PRKCI: variants seen among roughly 807,000 people sequenced by gnomAD.
PRKCI encodes the protein protein kinase C iota.
In PRKCI, 43 loss-of-function variants were observed where a neutral mutation model predicts 84.0. That is an observed-to-expected ratio of 0.51 (90% confidence interval 0.40 to 0.66). The LOEUF (loss-of-function observed/expected upper bound fraction) is 0.66. Ranked by LOEUF, PRKCI falls within the 30% of genes least tolerant of loss-of-function variation. PRKCI has a pLI of 0.00. For synonymous variants in PRKCI, 216 were observed against 234.4 expected (o/e 0.92, Z 0.72); for missense variants, 459 against 745.6 (o/e 0.62, Z 4.48).
At chr3:170,294,141 T>C (rs564820079) in intron 14 of PRKCI, among the ~76,000 whole-genome samples, 1 of 152,132 alleles carries the variant, frequency 6.6e-6, no homozygotes, top group Non-Finnish European at 1.5e-5. Flanking sequence ...GCTAGAGAGA[T>C]AATCTTTACA....
intron 14 of PRKCI, among the ~76,000 whole-genome samples, chr3:170,294,391 C>T (rs1418819735): frequency 6.6e-6 from 1 of 152,242 alleles, no homozygotes; most frequent in Non-Finnish European, 1.5e-5. Context: ...ATAGGCATTT[C>T]ATGCCCAAAT....
intron 2 of PRKCI, among the ~76,000 whole-genome samples, chr3:170,249,000 G>A (rs753010132): frequency 7.9e-5 from 12 of 151,824 alleles, no homozygotes; most frequent in Non-Finnish European, 1.8e-4. Flanking sequence ...GGTGCCCGCC[G>A]CCACGCTTGG....
At chr3:170,302,200 T>C (rs1734839252) in intron 17 of PRKCI, among the ~76,000 whole-genome samples, 1 of 152,236 alleles carries the variant, frequency 6.6e-6, no homozygotes. Flanking sequence ...CTTCTATTCC[T>C]GTGCTCCACC....
chr3:170,240,158 T>A (rs1181141848), intron 2 of PRKCI, among the ~76,000 whole-genome samples: 1 of 151,966 alleles, frequency 6.6e-6, no homozygotes, highest in Non-Finnish European at 1.5e-5. Flanking sequence ...CAATACCCTG[T>A]TTCCAAAAAA....
intron 12 of PRKCI, among the ~76,000 whole-genome samples, chr3:170,288,119 G>A (rs1312350190): frequency 2.0e-5 from 3 of 151,344 alleles, no homozygotes; most frequent in African/African-American, 7.3e-5. Flanking sequence ...GGTGGCGGAC[G>A]CCTGTAGTCC....
In PRKCI at chr3:170,280,421, T is replaced by C; in HGVS notation, c.882+18T>C. Reference sequence around the variant, plus strand: ...ATGATGAGGTAAGCACTGCATATTTTATTGCTTCTAAACTGCTTGAGAATA... The same window carrying C: ...ATGATGAGGTAAGCACTGCATATTTCATTGCTTCTAAACTGCTTGAGAATA... On this transcript the variant is annotated intron_variant, in intron 9 of 17. Coordinates refer to ENST00000295797, the MANE Select transcript of PRKCI (RefSeq NM_002740.6). 6.3e-7 allele frequency: 1 copy of C among 1,593,822 alleles called. No homozygotes were observed. Among genetic ancestry groups the C allele is most frequent in the Non-Finnish European group, 8.6e-7 (1 of 1,169,278 alleles).
intron 8 of PRKCI, among the ~76,000 whole-genome samples, chr3:170,277,709 A>AT (rs993806627): frequency 1.3e-5 from 2 of 151,750 alleles, no homozygotes; most frequent in African/African-American, 4.8e-5. Flanking sequence ...AAAAAAAAAA[A>AT]GAAAATTACA....
intron 2 of PRKCI, among the ~76,000 whole-genome samples, chr3:170,250,992 A>G (rs1450021707): frequency 6.6e-6 from 1 of 152,260 alleles, no homozygotes; most frequent in Non-Finnish European, 1.5e-5. Flanking sequence ...TATGAAAACC[A>G]GTAACTTTCC....
intron 4 of PRKCI, among the ~76,000 whole-genome samples, chr3:170,265,793 G>A (rs1413386110): frequency 6.6e-6 from 1 of 151,334 alleles, no homozygotes; most frequent in Non-Finnish European, 1.5e-5. Flanking sequence ...TGTATTTTTA[G>A]TAGAGATGGG....
At position 170,270,476 on chromosome 3, in the gene PRKCI, A is replaced by G. The variant is rs185526558; in HGVS notation, c.506A>G (p.Tyr169Cys). 3.1e-6 allele frequency: 5 copies of G among 1,613,990 alleles called. No individual in the cohort carries two copies. The highest frequency in any genetic ancestry group is 2.2e-5 in the East Asian group (1 of 44,884). ...ATATGGGGACTTGGACGCCAAGGAT[A>G]TAAGTGCATCAACTGCAAACTCTTG... ...DRIWGLGRQGYKCINCKLLVH... is the reference protein window; with the variant it reads ...DRIWGLGRQGCKCINCKLLVH... Residue 169 changes from tyrosine (Y) to cysteine (C), a missense_variant, in exon 6 of 18, where the codon TAT (tyrosine) becomes TGT (cysteine). Coordinates refer to ENST00000295797, the MANE Select transcript of PRKCI (RefSeq NM_002740.6).
intron 3 of PRKCI, among the ~76,000 whole-genome samples, chr3:170,260,536 A>C (rs1733698284): frequency 1.3e-5 from 2 of 152,006 alleles, no homozygotes; most frequent in Admixed American, 6.6e-5. Context: ...ATCTCGGCCC[A>C]CTGCAACCTC....
At chr3:170,289,401 A>G (rs1288305044) in intron 12 of PRKCI, among the ~76,000 whole-genome samples, 2 of 152,190 alleles carry the variant, frequency 1.3e-5, no homozygotes, top group African/African-American at 4.8e-5. Context: ...AAATATGTTC[A>G]CCATGCCCAG....
Position 170,268,698 on chromosome 3 carries a change from C to T in PRKCI, c.450+698C>T, listed in dbSNP as rs1023161948. ...GCAAACACTTATCTGGGTTGTACTA[C>T]GTACCAGGCACTTTTCCAAATGCCT... is the stretch of plus-strand genomic sequence containing the variant. On this transcript the variant is annotated intron_variant, in intron 5 of 17. Transcript: ENST00000295797. Among the ~76,000 whole-genome samples the T allele has an allele frequency of 2.7e-4, 41 of 152,118 alleles. 2 individuals carry two copies. Among genetic ancestry groups the T allele is most frequent in the Admixed American group, 2.6e-3 (40 of 15,248 alleles).
intron 2 of PRKCI, among the ~76,000 whole-genome samples, chr3:170,237,792 G>A: frequency 6.6e-6 from 1 of 152,142 alleles, no homozygotes; most frequent in East Asian, 1.9e-4. Context: ...AGGAAAAAAA[G>A]TAGTGCAAAA....
chr3:170,237,512 T>C (rs1310579394), intron 2 of PRKCI, among the ~76,000 whole-genome samples: 1 of 152,172 alleles, frequency 6.6e-6, no homozygotes, highest in Non-Finnish European at 1.5e-5. Flanking sequence ...AAACACCACC[T>C]GCTCCTTGAA....
chr3:170,252,326 CTT>C (rs59596482), intron 2 of PRKCI, among the ~76,000 whole-genome samples: 1 of 151,930 alleles, frequency 6.6e-6, no homozygotes, highest in Non-Finnish European at 1.5e-5. Flanking sequence ...AATGGGCAGA[CTT>C]TTTTTTGTTA....
intron 1 of PRKCI, 41 bp downstream of exon 1, chr3:170,222,811 G>A: frequency 1.3e-6 from 2 of 1,498,850 alleles, no homozygotes; most frequent in Non-Finnish European, 1.8e-6. Flanking sequence ...GAGGGGACAG[G>A]CCGGCTCCAC....
rs1734931628 is a variant in PRKCI at position 170,305,400 on chromosome 3, C to T, written c.*2273C>T. On this transcript the variant is annotated 3_prime_UTR_variant, in exon 18 of 18. Transcript: ENST00000295797. ...GGGGTAAGCAGTGAGTTATTACCCACAATTTAAAGCAAATTTTGAATGAAT... is the reference window on the plus strand; with the variant it reads ...GGGGTAAGCAGTGAGTTATTACCCATAATTTAAAGCAAATTTTGAATGAAT... The T allele has an allele frequency of 6.6e-6, 1 of 152,570 alleles. No individual in the cohort carries two copies. Among genetic ancestry groups the T allele is most frequent in the Non-Finnish European group, 1.5e-5 (1 of 68,022 alleles). 9.5% of individuals were successfully genotyped at this position (152,570 alleles called of 1,614,324 possible).
Position 170,235,315 on chromosome 3 carries a change from G to T in PRKCI, c.187G>T (p.Glu63Ter). 6.2e-7 allele frequency: 1 copy of T among 1,614,002 alleles called. No homozygotes were observed. The highest frequency in any genetic ancestry group is 8.5e-7 in the Non-Finnish European group (1 of 1,179,992). ...EVRDMCSFDN[E>*]QLFTMKWIDE... ...TCGAGACATGTGTTCTTTTGACAAC[G>T]AACAGCTCTTCACCATGAAATGGAT... Residue 63 changes from glutamate to a stop codon, truncating the protein, a stop_gained, in exon 2 of 18, where the codon GAA becomes TAA. Transcript: ENST00000295797. LOFTEE classifies it high-confidence loss of function.
Sources: allele counts gnomAD v4.1 joint callset (sites outside exome capture counted in the v4.1 genomes callset), GRCh38; gene constraint gnomAD v4.1.1; transcripts MANE v1.5; gene names NCBI Gene and HGNC (gene_info 2026-07-23, HGNC 2026-07-21).